Variants in RORA observed in about 807,000 individuals in gnomAD.
RORA encodes the protein RAR related orphan receptor A.
In RORA, 7 loss-of-function variants were observed where a neutral mutation model predicts 69.5. That is an observed-to-expected ratio of 0.10 (90% confidence interval 0.06 to 0.19). The LOEUF is 0.19. Ranked by LOEUF, RORA falls within the 10% of genes least tolerant of loss-of-function variation. The pLI, the probability that RORA is intolerant of heterozygous loss-of-function variation, is 1.00. For missense variants in RORA, 457 were observed against 663.0 expected (o/e 0.69, Z 3.41); for synonymous variants, 261 against 240.8 (o/e 1.08, Z -0.78).
At chr15:60,960,963 A>G (rs1281574664) in intron 1 of RORA, among the ~76,000 whole-genome samples, 2 of 152,228 alleles carry the variant, frequency 1.3e-5, no homozygotes, top group Non-Finnish European at 2.9e-5. Flanking sequence ...TCACACAGAT[A>G]GCAAGCAGCA....
At chr15:61,101,456 G>A (rs1261165091) in intron 1 of RORA, among the ~76,000 whole-genome samples, 3 of 152,068 alleles carry the variant, frequency 2.0e-5, no homozygotes, top group African/African-American at 4.8e-5. Context: ...CAAGGGCCCC[G>A]AGGTAGGGAA....
intron 1 of RORA, among the ~76,000 whole-genome samples, chr15:60,984,333 A>G (rs1894131396): frequency 6.6e-6 from 1 of 151,988 alleles, no homozygotes; most frequent in Non-Finnish European, 1.5e-5. Context: ...TTCTACATAT[A>G]TTTTTGTTGT....
intron 1 of RORA, among the ~76,000 whole-genome samples, chr15:61,171,219 C>G (rs982801411): frequency 6.6e-6 from 1 of 152,138 alleles, no homozygotes; most frequent in Non-Finnish European, 1.5e-5. Context: ...CTTGCTTCTC[C>G]GGTGTCCTCC....
In RORA at chr15:60,516,223, TTATATATATATTTA is replaced by T. The variant is rs1567052649; in HGVS notation, c.283-1480_283-1467del. Among the ~76,000 whole-genome samples, 28 of 11,844 alleles carry T rather than the reference TTATATATATATTTA, an allele frequency of 2.4e-3. 2 individuals are homozygous for T. The highest frequency in any genetic ancestry group is 9.3e-3 in the East Asian group (2 of 216). The allele number at this position is 11,844 out of a possible 152,430, so 7.8% of individuals were successfully genotyped here. On this transcript the variant is annotated intron_variant, in intron 3 of 10. Transcript: ENST00000335670. ...TATATATATATTTATATATATATATTTATATATATATTTATATATATATATTTATATATATATAT... is the reference window on the plus strand; with the variant it reads ...TATATATATATTTATATATATATATTTATATATATATTTATATATATATAT...
chr15:60,838,688 C>T (rs1393248796), intron 1 of RORA, among the ~76,000 whole-genome samples: 1 of 152,178 alleles, frequency 6.6e-6, no homozygotes, highest in African/African-American at 2.4e-5. Flanking sequence ...ATTTCCCTCC[C>T]TGCTTTCAGT....
intron 2 of RORA, among the ~76,000 whole-genome samples, chr15:60,648,341 T>C (rs1445249910): frequency 1.3e-5 from 2 of 152,240 alleles, no homozygotes; most frequent in Non-Finnish European, 2.9e-5. Flanking sequence ...CTCAACTTCA[T>C]TTAAAAATCA....
At chr15:60,842,240 C>G (rs1425198004) in intron 1 of RORA, among the ~76,000 whole-genome samples, 1 of 152,100 alleles carries the variant, frequency 6.6e-6, no homozygotes, top group Non-Finnish European at 1.5e-5. Flanking sequence ...AAACTGATGA[C>G]AGGTGAAGAT....
chr15:60,716,020 C>G (rs1433407684), intron 1 of RORA, among the ~76,000 whole-genome samples: 3 of 152,210 alleles, frequency 2.0e-5, no homozygotes, highest in East Asian at 3.8e-4. Flanking sequence ...TTCCCACCAG[C>G]CTCTAGGCCA....
At chr15:60,837,038 C>CTT (rs35079716) in intron 1 of RORA, among the ~76,000 whole-genome samples, 7,642 of 142,944 alleles carry the variant, frequency 0.053, 278 homozygotes, top group African/African-American at 0.075. Flanking sequence ...ATACCTTGAC[C>CTT]TTTTTTTTTT....
At chr15:60,691,690 C>T (rs1465674648) in intron 1 of RORA, among the ~76,000 whole-genome samples, 1 of 152,094 alleles carries the variant, frequency 6.6e-6, no homozygotes, top group African/African-American at 2.4e-5. Flanking sequence ...CCCCAGGACC[C>T]AAAGCAAAGG....
At chr15:60,965,363 C>T (rs1027913143) in intron 1 of RORA, among the ~76,000 whole-genome samples, 1 of 152,200 alleles carries the variant, frequency 6.6e-6, no homozygotes, top group Non-Finnish European at 1.5e-5. Context: ...GCTTCTCTCA[C>T]CACCTAGTTA....
intron 2 of RORA, among the ~76,000 whole-genome samples, chr15:60,671,232 C>T (rs988944226): frequency 1.3e-5 from 2 of 151,542 alleles, no homozygotes; most frequent in Non-Finnish European, 2.9e-5. Context: ...GTTGGTCTAA[C>T]AAAAAAGTAT....
chr15:60,965,094 A>T (rs1186437546), intron 1 of RORA, among the ~76,000 whole-genome samples: 1 of 152,156 alleles, frequency 6.6e-6, no homozygotes, highest in African/African-American at 2.4e-5. Flanking sequence ...AGATTCTGAG[A>T]TAACTATAGG....
chr15:60,984,071 C>A (rs1278579082), intron 1 of RORA, among the ~76,000 whole-genome samples: 1 of 145,766 alleles, frequency 6.9e-6, no homozygotes, highest in Non-Finnish European at 1.5e-5. Flanking sequence ...GGGATAATAC[C>A]AAAAACTGTT....
At chr15:60,788,295 C>T (rs2072367578) in intron 1 of RORA, among the ~76,000 whole-genome samples, 1 of 152,192 alleles carries the variant, frequency 6.6e-6, no homozygotes, top group Non-Finnish European at 1.5e-5. Context: ...AAGGAGCACA[C>T]AGTCGAGTGG....
At chr15:61,154,040 C>T (rs2079421370) in intron 1 of RORA, among the ~76,000 whole-genome samples, 2 of 152,110 alleles carry the variant, frequency 1.3e-5, no homozygotes, top group South Asian at 4.1e-4. Context: ...ACCCTTATAT[C>T]CTGCACTTCC....
chr15:60,604,479 T>C (rs1242245009), intron 2 of RORA, among the ~76,000 whole-genome samples: 1 of 152,214 alleles, frequency 6.6e-6, no homozygotes, highest in Non-Finnish European at 1.5e-5. Context: ...ATCTTGTTCT[T>C]CTCTTTTTGT....
chr15:60,899,001 C>T (rs1891312128), intron 1 of RORA, among the ~76,000 whole-genome samples: 2 of 152,182 alleles, frequency 1.3e-5, no homozygotes, highest in African/African-American at 4.8e-5. Flanking sequence ...TTAATGCATT[C>T]ATGCCACTGT....
intron 1 of RORA, among the ~76,000 whole-genome samples, chr15:60,740,609 G>A (rs1242179389): frequency 1.3e-5 from 2 of 152,134 alleles, no homozygotes; most frequent in Non-Finnish European, 2.9e-5. Flanking sequence ...AAGTTTATGT[G>A]GAGGAGCTGT....
Sources: gnomAD v4.1 joint callset for allele counts (sites outside exome capture counted in the v4.1 genomes callset) on GRCh38, gnomAD v4.1.1 for gene constraint, MANE v1.5 for transcripts, NCBI Gene and HGNC (gene_info 2026-07-23, HGNC 2026-07-21) for gene names.